The following TET1 variants were observed in gnomAD, a reference collection of about 807,000 sequenced individuals.
TET1 encodes tet methylcytosine dioxygenase 1, also known as methylcytosine dioxygenase TET1.
A neutral mutation model predicts 148.7 loss-of-function variants in TET1; 13 were observed. The ratio of observed to expected loss-of-function variants is 0.09; its 90% CI spans 0.06 to 0.14. The LOEUF (loss-of-function observed/expected upper bound fraction) is 0.14. Among genes scored for constraint, TET1 ranks in the 10% least tolerant of loss-of-function variants. The pLI, the probability that TET1 is intolerant of heterozygous loss-of-function variation, is 1.00. For synonymous variants in TET1, 907 were observed against 937.2 expected (o/e 0.97, Z 0.59); for missense variants, 2,182 against 2,553.8 (o/e 0.85, Z 3.14).
intron 8 of TET1, among the ~76,000 whole-genome samples, chr10:68,676,658 G>A (rs2055366635): frequency 6.6e-6 from 1 of 151,218 alleles, no homozygotes; most frequent in South Asian, 2.1e-4. Flanking sequence ...CAGATGATCT[G>A]CCCTCCTCCG....
At chr10:68,631,611 CT>C (rs1229723652) in intron 3 of TET1, among the ~76,000 whole-genome samples, 1 of 151,914 alleles carries the variant, frequency 6.6e-6, no homozygotes, top group Non-Finnish European at 1.5e-5. Context: ...TTGTTATTGC[CT>C]GTGGGGAAAG....
At chr10:68,575,591 A>G (rs2053719729) in intron 2 of TET1, among the ~76,000 whole-genome samples, 2 of 151,876 alleles carry the variant, frequency 1.3e-5, no homozygotes, top group African/African-American at 4.8e-5. Flanking sequence ...AGTCCCAGCT[A>G]CTCAGGAGGC....
At position 68,681,402 on chromosome 10, in the gene TET1, A is replaced by G; in HGVS notation, c.4828A>G (p.Lys1610Glu). 6.2e-7 allele frequency: 1 copy of G among 1,612,396 alleles called. No homozygotes were observed. Among genetic ancestry groups the G allele is most frequent in the Non-Finnish European group, 8.5e-7 (1 of 1,178,738 alleles). ...AATGGATTCTGTTTTCCTATAGGAAAAAAACCTTGAAGATAACTTACAGAG... is the reference window on the plus strand; with the variant it reads ...AATGGATTCTGTTTTCCTATAGGAAGAAAACCTTGAAGATAACTTACAGAG... ...RIDPSSPLHE[K>E]NLEDNLQSLA... is the part of the protein sequence containing the mutation. The change falls in exon 9 of 12, where the codon AAA becomes GAA. Residue 1610 changes from lysine (K) to glutamate (E), a missense_variant. Physicochemically the swap from Lys to Glu is moderately conservative, Grantham distance 56. Around this residue, in one of 11 missense-constraint regions of TET1, gnomAD observed 55 missense variants for 149.8 expected, o/e 0.37. Transcript: ENST00000373644.
intron 8 of TET1, among the ~76,000 whole-genome samples, chr10:68,679,342 C>T (rs1393982581): frequency 1.3e-5 from 2 of 151,982 alleles, no homozygotes; most frequent in African/African-American, 4.8e-5. Flanking sequence ...CTGTGTGGTC[C>T]ACAACAGAAT....
chr10:68,617,050 G>A (rs1589079931), intron 3 of TET1, among the ~76,000 whole-genome samples: 2 of 69,936 alleles, frequency 2.9e-5, no homozygotes, highest in African/African-American at 5.5e-5. Flanking sequence ...TTTTTGAGAC[G>A]GAGTCTTGCT....
At chr10:68,633,083 C>T (rs1028806836) in intron 3 of TET1, among the ~76,000 whole-genome samples, 1 of 152,056 alleles carries the variant, frequency 6.6e-6, no homozygotes, top group African/African-American at 2.4e-5. Context: ...ACTAGTGAGG[C>T]TGAGGCAGGA....
At chr10:68,681,638 G>C in intron 9 of TET1, 150 bp downstream of exon 9, 1 of 534,224 alleles carries the variant, frequency 1.9e-6, no homozygotes, top group Non-Finnish European at 3.3e-6. Flanking sequence ...AAAAATGCTG[G>C]GATTACAGAT....
chr10:68,636,316 C>T (rs2054649115), intron 3 of TET1, among the ~76,000 whole-genome samples: 1 of 152,176 alleles, frequency 6.6e-6, no homozygotes, highest in Non-Finnish European at 1.5e-5. Flanking sequence ...TGATCCCTCC[C>T]TCAATTAACA....
At position 68,600,957 on chromosome 10, in the gene TET1, AT is replaced by A. The variant is rs147986241; in HGVS notation, c.1915-20del. The A allele has an allele frequency of 2.0e-3, 3,249 of 1,593,724 alleles. 113 individuals carry two copies. The East Asian group carries it at 0.065, about 32-fold the overall frequency. On this transcript the variant is annotated intron_variant, in intron 2 of 11. Transcript: ENST00000373644. ...AATTTTATTTCTTAAACAGAGGCTC[AT>A]TTTGCAATTTGATTTTTTTTAGGTT...
chr10:68,681,135 G>T (rs2055430103), intron 8 of TET1, among the ~76,000 whole-genome samples: 1 of 152,144 alleles, frequency 6.6e-6, no homozygotes, highest in Non-Finnish European at 1.5e-5. Flanking sequence ...TTCACAACAT[G>T]AACAGTATTG....
chr10:68,682,868 G>C lies in TET1; in HGVS notation c.4947G>C (p.Arg1649=), dbSNP rs150180547. The change falls in exon 10 of 12, where the codon CGG becomes CGC. Residue 1649 remains arginine, a synonymous_variant. Transcript: ENST00000373644. Reference sequence around the variant, plus strand: ...ATGAAAATGTTGCCCGAGAATGTCGGCTTGGCAGCAAGGAAGGTCGTCCCT... The same window carrying C: ...ATGAAAATGTTGCCCGAGAATGTCGCCTTGGCAGCAAGGAAGGTCGTCCCT... The part of the protein sequence containing the change: ...VEYENVAREC[R]LGSKEGRPFS... The C allele has an allele frequency of 6.2e-7, 1 of 1,613,546 alleles. No individual in the cohort carries two copies. The highest frequency in any genetic ancestry group is 1.3e-5 in the African/African-American group (1 of 74,968).
At chr10:68,563,464 A>G (rs577796469) in intron 1 of TET1, among the ~76,000 whole-genome samples, 3 of 152,368 alleles carry the variant, frequency 2.0e-5, no homozygotes, top group African/African-American at 7.2e-5. Flanking sequence ...TGGAGGGACT[A>G]TGAAATCAGT....
intron 3 of TET1, among the ~76,000 whole-genome samples, chr10:68,601,285 G>C (rs1274015504): frequency 6.6e-6 from 1 of 152,132 alleles, no homozygotes; most frequent in Non-Finnish European, 1.5e-5. Context: ...AGAGTGTTGT[G>C]AATAAAATTT....
chr10:68,635,624 A>G (rs1463322804), intron 3 of TET1, among the ~76,000 whole-genome samples: 1 of 152,248 alleles, frequency 6.6e-6, no homozygotes, highest in African/African-American at 2.4e-5. Context: ...AGAGTTGGTT[A>G]TTAACCTTAA....
chr10:68,624,641 T>TTTCTTTCTTTCC (rs1564974855), intron 3 of TET1, among the ~76,000 whole-genome samples: 23 of 48,734 alleles, frequency 4.7e-4, no homozygotes, highest in African/African-American at 3.0e-3. Context: ...TCTTTCTTTC[T>TTTCTTTCTTTCC]TTCTTTCTTT....
chr10:68,599,157 C>T (rs2054022713), intron 2 of TET1, among the ~76,000 whole-genome samples: 1 of 152,240 alleles, frequency 6.6e-6, no homozygotes, highest in African/African-American at 2.4e-5. Context: ...AAATGCAGGC[C>T]TTCCGGCCCT....
At chr10:68,583,190 A>G (rs1181851644) in intron 2 of TET1, among the ~76,000 whole-genome samples, 1 of 152,108 alleles carries the variant, frequency 6.6e-6, no homozygotes, top group African/African-American at 2.4e-5. Flanking sequence ...TTAACTTCAG[A>G]TCTCTTTTTG....
At chr10:68,626,110 G>GAAAAAAGA (rs11374052) in intron 3 of TET1, among the ~76,000 whole-genome samples, 1 of 102,338 alleles carries the variant, frequency 9.8e-6, no homozygotes, top group African/African-American at 3.4e-5. Context: ...AAAAAAAAAA[G>GAAAAAAGA]AAAAGAAAAA....
At chr10:68,648,889 A>C (rs541272343) in intron 4 of TET1, among the ~76,000 whole-genome samples, 1 of 152,218 alleles carries the variant, frequency 6.6e-6, no homozygotes, top group Non-Finnish European at 1.5e-5. Context: ...CTGGGATTAC[A>C]GACATGAACC....
Sources: allele counts gnomAD v4.1 joint callset (sites outside exome capture counted in the v4.1 genomes callset), GRCh38; gene constraint gnomAD v4.1.1; regional missense constraint gnomAD v4.1.1; transcripts MANE v1.5; gene names NCBI Gene and HGNC (gene_info 2026-07-23, HGNC 2026-07-21).